OR8B2: variants seen among roughly 807,000 people sequenced by gnomAD.
OR8B2 encodes olfactory receptor family 8 subfamily B member 2.
For missense variants in OR8B2, 304 were observed against 379.6 expected (o/e 0.80, Z 1.65); for synonymous variants, 98 against 138.2 (o/e 0.71, Z 2.04).
intron 1 of OR8B2, among the ~76,000 whole-genome samples, chr11:124,383,846 A>G (rs1235251679): frequency 2.6e-5 from 4 of 152,194 alleles, no homozygotes; most frequent in African/African-American, 4.8e-5. Context: ...ATAAGAATCC[A>G]TGAAGTCACC....
At chr11:124,392,805 A>C in the OR8B2 span, among the ~76,000 whole-genome samples, 3 of 150,806 alleles carry the variant, frequency 2.0e-5, no homozygotes, top group African/African-American at 7.5e-5. Context: ...CGCATCACCA[A>C]GTCAATCCTA....
upstream of OR8B2, among the ~76,000 whole-genome samples, chr11:124,386,220 T>G (rs904276348): frequency 2.0e-5 from 3 of 151,982 alleles, no homozygotes; most frequent in African/African-American, 7.2e-5. Context: ...TTTTATATAT[T>G]TATTTATTTT....
the OR8B2 span, among the ~76,000 whole-genome samples, chr11:124,392,866 C>T: frequency 3.3e-5 from 5 of 150,278 alleles, no homozygotes; most frequent in Admixed American, 1.3e-4. Flanking sequence ...TCAAACTATA[C>T]TACAAGGCTA....
At chr11:124,389,189 C>G (rs524426), upstream of OR8B2, among the ~76,000 whole-genome samples, 38,646 of 152,020 alleles carry the variant, frequency 0.25, 5,228 homozygotes, top group South Asian at 0.39. Flanking sequence ...ACACCCCTAT[C>G]TCACATATAA....
upstream of OR8B2, among the ~76,000 whole-genome samples, chr11:124,388,691 G>T (rs188276551): frequency 2.4e-4 from 36 of 152,080 alleles, no homozygotes; most frequent in Non-Finnish European, 4.4e-4. Flanking sequence ...TTTGCATTTA[G>T]GTTATAATTA....
chr11:124,394,916 G>T, the OR8B2 span, among the ~76,000 whole-genome samples: 2 of 152,052 alleles, frequency 1.3e-5, no homozygotes, highest in Non-Finnish European at 2.9e-5. Flanking sequence ...AGATACTCCA[G>T]TTCAGCCAGG....
chr11:124,386,164 A>G (rs902534272), upstream of OR8B2, among the ~76,000 whole-genome samples: 12 of 133,350 alleles, frequency 9.0e-5, no homozygotes, highest in African/African-American at 3.9e-4. Context: ...GAGTTGTTCT[A>G]ATTCTACCTT....
At chr11:124,395,426 C>T in the OR8B2 span, 23 of 152,188 alleles carry the variant, frequency 1.5e-4, no homozygotes, top group African/African-American at 5.5e-4. Context: ...ATGTGTTTCA[C>T]GTCTTGTTGG....
At chr11:124,389,788 A>G in the OR8B2 span, among the ~76,000 whole-genome samples, 2 of 152,164 alleles carry the variant, frequency 1.3e-5, no homozygotes, top group African/African-American at 2.4e-5. Context: ...GTCCATAAAA[A>G]TCACATACAG....
chr11:124,386,903 A>C (rs1299859424), upstream of OR8B2, among the ~76,000 whole-genome samples: 6 of 152,108 alleles, frequency 3.9e-5, no homozygotes, highest in African/African-American at 1.4e-4. Context: ...ATTTCTCCAC[A>C]TCCTCTCCAG....
At chr11:124,391,238 G>C in the OR8B2 span, among the ~76,000 whole-genome samples, 33 of 151,874 alleles carry the variant, frequency 2.2e-4, no homozygotes, top group East Asian at 6.4e-3. Context: ...ACATTCAAAA[G>C]CTAGCAGAAG....
chr11:124,389,867 AT>A, the OR8B2 span, among the ~76,000 whole-genome samples: 1 of 152,182 alleles, frequency 6.6e-6, no homozygotes, highest in South Asian at 2.1e-4. Context: ...CCTAAAGAGG[AT>A]ATTTAAACAG....
chr11:124,389,066 C>T (rs372386039), upstream of OR8B2, among the ~76,000 whole-genome samples: 4 of 151,986 alleles, frequency 2.6e-5, no homozygotes, highest in East Asian at 3.9e-4. Flanking sequence ...CCTCATGATC[C>T]GCCTGCCTCG....
At chr11:124,386,794 G>A (rs1303156301), upstream of OR8B2, among the ~76,000 whole-genome samples, 4 of 151,254 alleles carry the variant, frequency 2.6e-5, no homozygotes, top group South Asian at 4.2e-4. Context: ...GGCTAGGTCA[G>A]ATGGTATTTC....
At chr11:124,384,347 A>C (rs1860659319) in intron 1 of OR8B2, 27 bp downstream of exon 1, 3 of 152,154 alleles carry the variant, frequency 2.0e-5, no homozygotes, top group Admixed American at 2.0e-4. Context: ...CATCCAGGAG[A>C]GAGAAATAGA....
At chr11:124,383,610 A>G (rs1292880027) in intron 1 of OR8B2, among the ~76,000 whole-genome samples, 1 of 152,168 alleles carries the variant, frequency 6.6e-6, no homozygotes, top group African/African-American at 2.4e-5. Flanking sequence ...GCTGAGGCAC[A>G]GGCCTACCTG....
At chr11:124,393,703 T>C in the OR8B2 span, among the ~76,000 whole-genome samples, 192 of 149,894 alleles carry the variant, frequency 1.3e-3, no homozygotes, top group Middle Eastern at 0.014. Context: ...GTGGCCATTC[T>C]TCAGGGATCT....
rs370946771 is a variant in OR8B2, at chr11:124,382,610, A to G, written c.734T>C (p.Val245Ala). 6.2e-7 allele frequency: 1 copy of G among 1,612,298 alleles called. No homozygotes were observed. ...SKAFSTCSSH[V>A]IALSLFFGSA... ...CCCAAAAAACAGAGACAGAGCAATGACATGAGAGCTACAAGTACTGAAGGC... is the reference window on the plus strand; with the variant it reads ...CCCAAAAAACAGAGACAGAGCAATGGCATGAGAGCTACAAGTACTGAAGGC... Residue 245 changes from valine (V) to alanine (A), a missense_variant, in exon 2 of 2, where the codon GTC (valine) becomes GCC (alanine). Physicochemically the swap from Val to Ala is moderately conservative, Grantham distance 64. Transcript: ENST00000641451.
intron 1 of OR8B2, among the ~76,000 whole-genome samples, 174 bp from the exon 2 acceptor site, chr11:124,383,534 G>C (rs1313170599): frequency 4.6e-5 from 7 of 152,204 alleles, no homozygotes; most frequent in South Asian, 2.1e-4. Flanking sequence ...AGTGTCTTTT[G>C]TCTGTACAGA....
Sources: allele counts gnomAD v4.1 joint callset (sites outside exome capture counted in the v4.1 genomes callset), GRCh38; gene constraint gnomAD v4.1.1; transcripts MANE v1.5; gene names NCBI Gene and HGNC (gene_info 2026-07-23, HGNC 2026-07-21).